The following NALF1 variants were observed in gnomAD, a reference collection of about 807,000 sequenced individuals.
The protein encoded by NALF1 is NALCN channel auxiliary factor 1.
Under a neutral mutation model 48.4 loss-of-function variants are expected in NALF1, and 3 were observed. The ratio of observed to expected loss-of-function variants is 0.06; its 90% confidence interval spans 0.03 to 0.16. NALF1 has a LOEUF of 0.16. NALF1 is among the 10% of genes least tolerant of loss of function. The pLI is 1.00. For missense variants in NALF1, 526 were observed against 571.5 expected, an observed-to-expected ratio of 0.92 and a Z score of 0.81; for synonymous variants, 262 against 245.7, an observed-to-expected ratio of 1.07 and a Z score of -0.62.
intron 1 of NALF1, among the ~76,000 whole-genome samples, chr13:107,412,356 A>G (rs1196396874): frequency 2.0e-5 from 3 of 152,156 alleles, no homozygotes; most frequent in African/African-American, 7.2e-5. Context: ...TTTTTAAAAA[A>G]TTGCCCAAAT....
At chr13:107,471,900 T>A (rs951142701) in intron 1 of NALF1, among the ~76,000 whole-genome samples, 1 of 152,228 alleles carries the variant, frequency 6.6e-6, no homozygotes, top group Non-Finnish European at 1.5e-5. Flanking sequence ...GAGAGGAATA[T>A]GTTTTTGTCT....
At position 107,530,206 on chromosome 13, in the gene NALF1, A is replaced by T. The variant is rs1211559915; in HGVS notation, c.916-319451T>A. ...CTTATGCTTTATAGCTCAGTCATCTACTTAAGGAGGCCTAAAAGCTCTGTC... is the reference window on the plus strand; with the variant it reads ...CTTATGCTTTATAGCTCAGTCATCTTCTTAAGGAGGCCTAAAAGCTCTGTC... On this transcript the variant is annotated intron_variant, in intron 1 of 2. Transcript: ENST00000375915. Among the ~76,000 whole-genome samples, 11 of 152,230 alleles carry T rather than the reference A, an allele frequency of 7.2e-5. 1 individual carries two copies. The highest frequency in any genetic ancestry group is 2.4e-4 in the African/African-American group (10 of 41,550).
chr13:107,693,849 C>T (rs566005859), intron 1 of NALF1, among the ~76,000 whole-genome samples: 62 of 152,232 alleles, frequency 4.1e-4, no homozygotes, highest in African/African-American at 1.5e-3. Flanking sequence ...TTTCTAAGTG[C>T]TGGGCTACTT....
intron 1 of NALF1, among the ~76,000 whole-genome samples, chr13:107,652,706 G>A (rs1431611298): frequency 6.6e-6 from 1 of 152,090 alleles, no homozygotes; most frequent in East Asian, 1.9e-4. Flanking sequence ...AACTCATTAG[G>A]CATTGTTCGG....
At chr13:107,855,421 G>T (rs991033435) in intron 1 of NALF1, among the ~76,000 whole-genome samples, 1 of 152,210 alleles carries the variant, frequency 6.6e-6, no homozygotes, top group Non-Finnish European at 1.5e-5. Context: ...TGTGGCTCAA[G>T]ACAATTCTTC....
chr13:107,200,313 G>A (rs1298683283), intron 2 of NALF1, among the ~76,000 whole-genome samples: 1 of 152,192 alleles, frequency 6.6e-6, no homozygotes, highest in Non-Finnish European at 1.5e-5. Context: ...TTCACATGCT[G>A]GGTGGCTATA....
intron 1 of NALF1, among the ~76,000 whole-genome samples, chr13:107,502,401 T>C (rs1875553074): frequency 2.0e-5 from 3 of 152,186 alleles, no homozygotes; most frequent in Admixed American, 6.5e-5. Flanking sequence ...AGACATCATA[T>C]TGTTTGGCTT....
intron 1 of NALF1, among the ~76,000 whole-genome samples, chr13:107,710,672 T>G (rs1875546083): frequency 6.7e-6 from 1 of 149,822 alleles, no homozygotes; most frequent in Non-Finnish European, 1.5e-5. Flanking sequence ...GGAAACCACC[T>G]GCAGAATCCA....
intron 1 of NALF1, among the ~76,000 whole-genome samples, chr13:107,682,216 C>T (rs1594204466): frequency 6.6e-6 from 1 of 152,198 alleles, no homozygotes; most frequent in African/African-American, 2.4e-5. Flanking sequence ...AGCATTGTTG[C>T]CTTCATTTTG....
chr13:107,221,995 G>C (rs1464952414), intron 1 of NALF1, among the ~76,000 whole-genome samples: 1 of 152,152 alleles, frequency 6.6e-6, no homozygotes, highest in Non-Finnish European at 1.5e-5. Context: ...CTCAAAGAAG[G>C]CACTTCGGCA....
intron 1 of NALF1, among the ~76,000 whole-genome samples, chr13:107,401,268 T>A (rs546417146): frequency 6.6e-6 from 1 of 152,248 alleles, no homozygotes; most frequent in South Asian, 2.1e-4. Context: ...GTCTCAGCGA[T>A]CTGATTGAAA....
chr13:107,386,159 T>C (rs558989433), intron 1 of NALF1, among the ~76,000 whole-genome samples: 9 of 152,350 alleles, frequency 5.9e-5, no homozygotes, highest in Admixed American at 2.6e-4. Flanking sequence ...AGAACTTGTT[T>C]AGTAAACTTG....
intron 1 of NALF1, among the ~76,000 whole-genome samples, chr13:107,397,719 A>G (rs760325983): frequency 3.9e-5 from 6 of 152,074 alleles, no homozygotes; most frequent in Non-Finnish European, 8.8e-5. Flanking sequence ...ATAACCTATT[A>G]TAGTTTCCAA....
rs551684347 is a variant in NALF1, at chr13:107,484,389, A to C, written c.916-273634T>G. On this transcript the variant is annotated intron_variant, in intron 1 of 2. Coordinates refer to ENST00000375915, the MANE Select transcript of NALF1 (RefSeq NM_001080396.3). ...CATGAGAACATATTAGATATCTGAAACTGAAATTATTCTTTCATATTATGA... is the reference window on the plus strand; with the variant it reads ...CATGAGAACATATTAGATATCTGAACCTGAAATTATTCTTTCATATTATGA... Among the ~76,000 whole-genome samples, 36 of 152,304 alleles carry C rather than the reference A, an allele frequency of 2.4e-4. No homozygotes were observed. The South Asian group carries it at 7.4e-3, about 32-fold the overall frequency.
intron 1 of NALF1, among the ~76,000 whole-genome samples, chr13:107,678,267 A>G (rs564538799): frequency 1.2e-3 from 180 of 152,314 alleles, no homozygotes; most frequent in African/African-American, 4.0e-3. Context: ...CTGTGTGCTC[A>G]GCGTATGGCC....
intron 1 of NALF1, among the ~76,000 whole-genome samples, chr13:107,754,441 CA>C (rs1877035056): frequency 6.6e-6 from 1 of 151,138 alleles, no homozygotes; most frequent in Admixed American, 6.6e-5. Context: ...TTTAGCTTAG[CA>C]AAATTCCAAA....
chr13:107,179,364 T>C (rs754747232), intron 2 of NALF1, among the ~76,000 whole-genome samples: 9 of 151,832 alleles, frequency 5.9e-5, no homozygotes, highest in Non-Finnish European at 1.0e-4. Flanking sequence ...TACTATAGGC[T>C]GGGAAGGGTA....
chr13:107,730,795 C>T (rs1876289524), intron 1 of NALF1, among the ~76,000 whole-genome samples: 1 of 152,180 alleles, frequency 6.6e-6, no homozygotes, highest in African/African-American at 2.4e-5. Flanking sequence ...AAATGAGTAA[C>T]AGTCTCAAAT....
chr13:107,866,468 T>C lies in NALF1; in HGVS notation c.129A>G (p.Ala43=). ...ERAQKWRLSL[A]SLLFFTVLLS... ...GCAGGACTGTGAAAAACAAGAGAGA[T>C]GCCAGAGACAGTCGCCATTTCTGAG... Residue 43 remains alanine (A), a synonymous_variant, in exon 1 of 3, where the codon GCA becomes GCG. Coordinates refer to ENST00000375915, the MANE Select transcript of NALF1 (RefSeq NM_001080396.3). This position sits in a 1 kb window ranked among gnomAD's most constrained non-coding sequence, Gnocchi z 4.4. 1 of 1,614,056 alleles carries C rather than the reference T, an allele frequency of 6.2e-7. No homozygotes were observed. Among genetic ancestry groups the C allele is most frequent in the Non-Finnish European group, 8.5e-7 (1 of 1,180,006 alleles).
Sources: gnomAD v4.1 joint callset for allele counts (sites outside exome capture counted in the v4.1 genomes callset) on GRCh38, gnomAD v4.1.1 for gene constraint, Gnocchi (gnomAD v3.1) non-coding constraint, MANE v1.5 for transcripts, NCBI Gene and HGNC (gene_info 2026-07-23, HGNC 2026-07-21) for gene names.